ZXDC: variants seen among roughly 807,000 people sequenced by gnomAD.
The protein encoded by ZXDC is zinc finger protein ZXDC.
Under a neutral mutation model 63.6 loss-of-function variants are expected in ZXDC, and 58 were observed. That is an observed-to-expected ratio of 0.91 (90% CI 0.74 to 1.13). The LOEUF (loss-of-function observed/expected upper bound fraction) is 1.13, where lower values mean the gene tolerates loss of function less well. Among genes scored for constraint, ZXDC ranks in the 50% most tolerant of loss-of-function variants. ZXDC has a pLI of 0.00. For missense variants in ZXDC, 1,133 were observed against 1,148.9 expected, an observed-to-expected ratio of 0.99 and a Z score of 0.20; for synonymous variants, 561 against 496.1, an observed-to-expected ratio of 1.13 and a Z score of -1.74.
At chr3:126,453,740 G>A (rs956531939) in intron 7 of ZXDC, 23 of 979,962 alleles carry the variant, frequency 2.3e-5, no homozygotes, top group Non-Finnish European at 2.5e-5. Flanking sequence ...TGTTGCCCAG[G>A]CTGCAGTGCA....
intron 1 of ZXDC, among the ~76,000 whole-genome samples, chr3:126,473,856 G>C (rs1032198498): frequency 5.9e-5 from 9 of 152,086 alleles, no homozygotes; most frequent in African/African-American, 2.2e-4. Context: ...CCTCACCACA[G>C]ACCACAATCC....
chr3:126,469,992 C>T (rs1325875093), intron 4 of ZXDC, among the ~76,000 whole-genome samples: 3 of 152,176 alleles, frequency 2.0e-5, no homozygotes, highest in African/African-American at 7.2e-5. Context: ...CTTTAGGGAG[C>T]GGTAGAGCCA....
intron 3 of ZXDC, 36 bp downstream of exon 3, chr3:126,471,937 C>CA: frequency 6.4e-7 from 1 of 1,563,178 alleles, no homozygotes; most frequent in Middle Eastern, 1.7e-4. Flanking sequence ...CACTCATTTT[C>CA]AAACCTGATA....
chr3:126,438,292 G>T lies in ZXDC; in HGVS notation c.*83C>A. The T allele has an allele frequency of 8.5e-7, 1 of 1,182,600 alleles. No homozygotes were observed. Among genetic ancestry groups the T allele is most frequent in the Non-Finnish European group, 1.2e-6 (1 of 809,706 alleles). The allele number at this position is 1,182,600 out of a possible 1,614,324, so 73.3% of individuals were successfully genotyped here. A position where few individuals can be genotyped will look rare whatever the true frequency, so the allele number is the denominator to read the frequency against. On this transcript the variant is annotated 3_prime_UTR_variant, in exon 10 of 10. Transcript: ENST00000389709. The stretch of plus-strand genomic sequence containing the variant: ...GGTCTTCTGAACGGAAACCAAATGA[G>T]GTCTCCCCAGGCTCATGTCATGAGT...
intron 7 of ZXDC, chr3:126,457,476 C>T: frequency 1.0e-6 from 1 of 985,440 alleles, no homozygotes; most frequent in Non-Finnish European, 1.2e-6. Context: ...GCACTGACAG[C>T]AGCCTCACCC....
chr3:126,472,893 GCAGCTAAGCCTCAACAATTCCA>G (rs1354651176), intron 1 of ZXDC, among the ~76,000 whole-genome samples: 1 of 152,144 alleles, frequency 6.6e-6, no homozygotes, highest in African/African-American at 2.4e-5. Context: ...CCTGGCCAAA[GCAGCTAAGCCTCAACAATTCCA>G]CAGCAATACT....
chr3:126,451,793 T>C (rs1934111557), intron 7 of ZXDC: 1 of 985,318 alleles, frequency 1.0e-6, no homozygotes, highest in African/African-American at 1.7e-5. Flanking sequence ...TCTCTGTGGC[T>C]GTGCCTCTGC....
chr3:126,461,623 C>T lies in ZXDC; in HGVS notation c.2039G>A (p.Gly680Glu). 1.2e-6 allele frequency: 2 copies of T among 1,613,988 alleles called. No individual in the cohort carries two copies. The highest frequency in any genetic ancestry group is 1.7e-6 in the Non-Finnish European group (2 of 1,180,014). ...GAVGQQEGSH[G>E]LPQSTLPSPA... ...ACTGGGCAACGTGGACTGGGGCAGCCCATGGCTTCCTTCCTGCTGCCCAAC... is the reference window on the plus strand; with the variant it reads ...ACTGGGCAACGTGGACTGGGGCAGCTCATGGCTTCCTTCCTGCTGCCCAAC... The change falls in exon 6 of 10, where the codon GGG (glycine) becomes GAG (glutamate). Residue 680 changes from glycine (G) to glutamate (E), a missense_variant. Gly to Glu is a moderately conservative substitution (Grantham distance 98, BLOSUM62 -2). Transcript: ENST00000389709.
At chr3:126,467,318 C>CA (rs11436805) in intron 4 of ZXDC, among the ~76,000 whole-genome samples, 134,793 of 152,106 alleles carry the variant, frequency 0.89, 60,503 homozygotes, top group East Asian at 0.99. Context: ...TGGCCTTAGA[C>CA]AAATTATTTA....
rs773593623 is a variant in ZXDC at position 126,441,937 on chromosome 3, T to C, written c.2222A>G (p.Gln741Arg). The change falls in exon 8 of 10, where the codon CAG (glutamine) becomes CGG (arginine). Residue 741 changes from glutamine to arginine, a missense_variant. Transcript: ENST00000389709. ...TTCTTTTATTTTTCTCTGAGTAGAC[T>C]GTGAGGCTCCTAAAATGAAATATAA... Reference protein sequence around the residue: ...RGAGSNAGASQSTQRKIKEGK... With the variant: ...RGAGSNAGASRSTQRKIKEGK... 1.9e-6 allele frequency: 3 copies of C among 1,599,002 alleles called. No homozygotes were observed. The highest frequency in any genetic ancestry group is 4.5e-5 in the East Asian group (2 of 44,534).
At chr3:126,439,508 C>G in intron 9 of ZXDC, 124 bp downstream of exon 9, 1 of 1,504,502 alleles carries the variant, frequency 6.6e-7, no homozygotes, top group Non-Finnish European at 9.0e-7. Flanking sequence ...TGGCAACCAA[C>G]CCACTGAGCC....
chr3:126,460,175 C>G (rs1934468331), intron 6 of ZXDC: 1 of 976,598 alleles, frequency 1.0e-6, no homozygotes, highest in Non-Finnish European at 1.2e-6. Context: ...ACAGGCTGCT[C>G]TGGTGGCAGG....
In ZXDC at chr3:126,451,851, G is replaced by A. The variant is rs993771212; in HGVS notation, c.2212+7802C>T. 56 of 984,794 alleles carry A rather than the reference G, an allele frequency of 5.7e-5. 1 individual carries two copies. The highest frequency in any genetic ancestry group is 6.4e-5 in the Non-Finnish European group (53 of 829,524). The allele number at this position is 984,794 out of a possible 1,614,324, so 61.0% of individuals were successfully genotyped here. On this transcript the variant is annotated intron_variant, in intron 7 of 9. Transcript: ENST00000389709. ...TAACCTTGGGGCCTCAGTGGCACCC[G>A]TGCAGGAAGGGTTGATGGCAGGTCT...
In ZXDC at chr3:126,470,981, C is replaced by A; in HGVS notation, c.1184G>T (p.Cys395Phe). The A allele has an allele frequency of 1.2e-6, 2 of 1,614,222 alleles. No individual in the cohort carries two copies. Among genetic ancestry groups the A allele is most frequent in the Non-Finnish European group, 1.7e-6 (2 of 1,180,046 alleles). ...CTCTGCTCTGGTGAATGATTTCCCACAGCCCTCGACAGGGCAGGTAAACCT... is the reference window on the plus strand; with the variant it reads ...CTCTGCTCTGGTGAATGATTTCCCAAAGCCCTCGACAGGGCAGGTAAACCT... Reference protein sequence around the residue: ...DRRFTCPVEGCGKSFTRAEHL... With the variant: ...DRRFTCPVEGFGKSFTRAEHL... The change falls in exon 4 of 10, where the codon TGT becomes TTT. Residue 395 changes from cysteine (C) to phenylalanine (F), a missense_variant. Coordinates refer to ENST00000389709, the MANE Select transcript of ZXDC (RefSeq NM_025112.5).
chr3:126,471,919 T>A, intron 3 of ZXDC, 54 bp downstream of exon 3: 1 of 1,455,466 alleles, frequency 6.9e-7, no homozygotes, highest in Non-Finnish European at 9.4e-7. Flanking sequence ...TTTCTGCTGC[T>A]GACAAACCAC....
chr3:126,441,659 G>T, intron 8 of ZXDC, 106 bp downstream of exon 8: 1 of 1,436,298 alleles, frequency 7.0e-7, no homozygotes, highest in Non-Finnish European at 9.1e-7. Context: ...CAGGCAGGCA[G>T]GGGGTGCTGC....
chr3:126,463,270 C>T (rs997620973), intron 5 of ZXDC, among the ~76,000 whole-genome samples: 5 of 152,162 alleles, frequency 3.3e-5, no homozygotes, highest in East Asian at 3.9e-4. Flanking sequence ...GGGGTTTCAC[C>T]GCATTAGCCA....
rs1576698324 is a variant in ZXDC, at chr3:126,475,112, C to A, written c.754G>T (p.Val252Phe). ...TTCATGTGCGCCTTGAGGTTATAGA[C>A]CGTAGTGAACTTCTTGCCACAGCCG... ...VGGCGKKFTT[V>F]YNLKAHMKGH... Residue 252 changes from valine to phenylalanine, a missense_variant, in exon 1 of 10, where the codon GTC (valine) becomes TTC (phenylalanine). By Grantham distance (50) the Val-to-Phe change is conservative. Coordinates refer to ENST00000389709, the MANE Select transcript of ZXDC (RefSeq NM_025112.5). The A allele has an allele frequency of 6.2e-7, 1 of 1,610,778 alleles. No homozygotes were observed. Among genetic ancestry groups the A allele is most frequent in the South Asian group, 1.1e-5 (1 of 90,430 alleles).
rs1056958895 is a variant in ZXDC at position 126,470,327 on chromosome 3, C to T, written c.1270+568G>A. Among the ~76,000 whole-genome samples, 6 of 152,038 alleles carry T rather than the reference C, an allele frequency of 3.9e-5. No homozygotes were observed. In the East Asian group the frequency reaches 1.2e-3, roughly 29 times the overall value. Reference sequence around the variant, plus strand: ...ACTAAAAGCATAAAAATCAGCCAAGCGTGGTGGCATACGCCTGTAGTCCCA... The same window carrying T: ...ACTAAAAGCATAAAAATCAGCCAAGTGTGGTGGCATACGCCTGTAGTCCCA... On this transcript the variant is annotated intron_variant, in intron 4 of 9. Transcript: ENST00000389709.
Sources: gnomAD v4.1 joint callset for allele counts (sites outside exome capture counted in the v4.1 genomes callset) on GRCh38, gnomAD v4.1.1 for gene constraint, MANE v1.5 for transcripts, NCBI Gene and HGNC (gene_info 2026-07-23, HGNC 2026-07-21) for gene names.